DOCK10: variants seen among roughly 807,000 people sequenced by gnomAD.
DOCK10 encodes the protein dedicator of cytokinesis protein 10.
Under a neutral mutation model 280.1 loss-of-function variants are expected in DOCK10, and 145 were observed. The observed-to-expected ratio is 0.52, with a 90% CI of 0.45 to 0.59. The LOEUF (loss-of-function observed/expected upper bound fraction) is 0.59. DOCK10 is among the 20% of genes least tolerant of loss of function. DOCK10 has a pLI of 0.00. For synonymous variants in DOCK10, 915 were observed against 942.2 expected (o/e 0.97, Z 0.53); for missense variants, 2,368 against 2,651.7 (o/e 0.89, Z 2.35).
intron 1 of DOCK10, among the ~76,000 whole-genome samples, chr2:224,962,262 T>C (rs1704492965): frequency 6.6e-6 from 1 of 152,188 alleles, no homozygotes; most frequent in Non-Finnish European, 1.5e-5. Flanking sequence ...TGGACAAAAA[T>C]TGACACATAA....
chr2:224,843,587 C>T (rs140048721), intron 22 of DOCK10, among the ~76,000 whole-genome samples: 4 of 151,934 alleles, frequency 2.6e-5, no homozygotes, highest in Non-Finnish European at 4.4e-5. Flanking sequence ...AATGTATATA[C>T]GATGCCTGGA....
chr2:224,833,217 A>C (rs1326183500), intron 26 of DOCK10, among the ~76,000 whole-genome samples: 1 of 151,726 alleles, frequency 6.6e-6, no homozygotes, highest in African/African-American at 2.4e-5. Flanking sequence ...TCTGTGCAAA[A>C]CCCTCCAACG....
At chr2:224,950,347 T>C (rs922014391) in intron 1 of DOCK10, among the ~76,000 whole-genome samples, 3 of 152,262 alleles carry the variant, frequency 2.0e-5, no homozygotes, top group Non-Finnish European at 2.9e-5. Flanking sequence ...AAATTTTTTA[T>C]GGAACCTATT....
chr2:225,028,410 A>G (rs1233502021), intron 1 of DOCK10, among the ~76,000 whole-genome samples: 2 of 152,188 alleles, frequency 1.3e-5, no homozygotes, highest in Non-Finnish European at 2.9e-5. Flanking sequence ...GAATTCTGCC[A>G]ACAGCCCAAG....
At chr2:224,807,608 T>C (rs1693482403) in intron 33 of DOCK10, 60 bp downstream of exon 33, 2 of 1,211,116 alleles carry the variant, frequency 1.7e-6, no homozygotes, top group East Asian at 2.6e-5. Flanking sequence ...GGGCAAAAAA[T>C]AATTAAAAAA....
In DOCK10 at chr2:224,775,087, T is replaced by C. The variant is rs1345641747; in HGVS notation, c.5831A>G (p.Tyr1944Cys). 1.9e-6 allele frequency: 3 copies of C among 1,613,942 alleles called. No individual in the cohort carries two copies. Among genetic ancestry groups the C allele is most frequent in the Non-Finnish European group, 2.5e-6 (3 of 1,179,900 alleles). ...KVNPKDLDPK[Y>C]AYIQVTYVTP... The stretch of plus-strand genomic sequence containing the variant: ...CACATAGGTCACCTGGATGTAGGCA[T>C]ATTTGGGGTCCAAATCCTTGGGGTT... Residue 1944 changes from tyrosine (Y) to cysteine (C), a missense_variant, in exon 52 of 56, where the codon TAT becomes TGT. By Grantham distance (194) the Tyr-to-Cys change is radical. This residue lies in a region of DOCK10 where 1,159 missense variants were observed against 1,400.8 expected (regional missense o/e 0.83). Transcript: ENST00000258390.
chr2:224,844,652 G>A, intron 22 of DOCK10, 101 bp downstream of exon 22: 2 of 783,736 alleles, frequency 2.6e-6, no homozygotes, highest in South Asian at 3.3e-5. Flanking sequence ...CTGCCTTTCT[G>A]ACACTTCATG....
At chr2:224,838,375 A>G (rs1460904284) in intron 24 of DOCK10, among the ~76,000 whole-genome samples, 5 of 152,194 alleles carry the variant, frequency 3.3e-5, no homozygotes, top group Non-Finnish European at 5.9e-5. Flanking sequence ...AATGATGTAC[A>G]GGTGGATCTT....
intron 1 of DOCK10, among the ~76,000 whole-genome samples, chr2:224,990,312 T>G (rs1706090626): frequency 6.6e-6 from 1 of 152,240 alleles, no homozygotes; most frequent in Non-Finnish European, 1.5e-5. Context: ...AAGTGTAGTA[T>G]AGTGCGGCAC....
At chr2:224,883,058 A>G (rs1366257129) in intron 7 of DOCK10, among the ~76,000 whole-genome samples, 1 of 152,256 alleles carries the variant, frequency 6.6e-6, no homozygotes, top group Non-Finnish European at 1.5e-5. Context: ...ATGCAGGGAT[A>G]GAGGTGAACT....
At chr2:224,878,489 G>T (rs1366793996) in intron 7 of DOCK10, among the ~76,000 whole-genome samples, 1 of 152,214 alleles carries the variant, frequency 6.6e-6, no homozygotes, top group Admixed American at 6.5e-5. Context: ...CAGAGCCAGG[G>T]ACACAGAAGA....
chr2:225,021,150 G>T (rs1464189918), intron 1 of DOCK10, among the ~76,000 whole-genome samples: 1 of 152,160 alleles, frequency 6.6e-6, no homozygotes, highest in Non-Finnish European at 1.5e-5. Flanking sequence ...ACATTTCCAT[G>T]TGCATTATAT....
chr2:224,874,828 A>C, intron 8 of DOCK10, 77 bp from the exon 9 acceptor site: 1 of 1,340,394 alleles, frequency 7.5e-7, no homozygotes, highest in Non-Finnish European at 1.1e-6. Context: ...GACATGCAAA[A>C]CTAAGTTAGG....
At chr2:224,801,881 T>G in intron 40 of DOCK10, 35 bp downstream of exon 40, 1 of 1,607,460 alleles carries the variant, frequency 6.2e-7, no homozygotes, top group Non-Finnish European at 8.5e-7. Flanking sequence ...GAAAAACTGG[T>G]AACCATCTTG....
chr2:225,038,446 C>A (rs753200884), intron 1 of DOCK10, among the ~76,000 whole-genome samples: 5 of 152,120 alleles, frequency 3.3e-5, no homozygotes, highest in Non-Finnish European at 5.9e-5. Flanking sequence ...TTACTCAAAG[C>A]TCTCTAAAAT....
chr2:224,977,531 G>C (rs1705508156), intron 1 of DOCK10, among the ~76,000 whole-genome samples: 1 of 152,076 alleles, frequency 6.6e-6, no homozygotes, highest in African/African-American at 2.4e-5. Flanking sequence ...TACATAAATT[G>C]AATTAGTGTC....
chr2:224,983,094 G>A (rs1178121645), intron 1 of DOCK10, among the ~76,000 whole-genome samples: 1 of 152,122 alleles, frequency 6.6e-6, no homozygotes, highest in African/African-American at 2.4e-5. Flanking sequence ...CGGCTTGCAG[G>A]GCTGAAAATA....
Position 224,775,059 on chromosome 2 carries a change from C to T in DOCK10, c.5859G>A (p.Thr1953=), listed in dbSNP as rs888288804. The change falls in exon 52 of 56, where the codon ACG becomes ACA. Residue 1953 remains threonine (T), a synonymous_variant. Coordinates refer to ENST00000258390, the MANE Select transcript of DOCK10 (RefSeq NM_014689.3). ...KYAYIQVTYV[T]PFFEEKEIED... is the part of the protein sequence containing the mutation. ...CGATTTCCTTTTCCTCAAAGAACGG[C>T]GTCACATAGGTCACCTGGATGTAGG... The T allele has an allele frequency of 1.2e-5, 19 of 1,613,896 alleles. No homozygotes were observed. The East Asian group carries it at 1.3e-4, about 11-fold the overall frequency.
At chr2:224,927,379 T>G (rs986352492) in intron 2 of DOCK10, among the ~76,000 whole-genome samples, 2 of 152,194 alleles carry the variant, frequency 1.3e-5, no homozygotes, top group African/African-American at 4.8e-5. Flanking sequence ...ATCTAATTTG[T>G]GTTCCTAACA....
Sources: allele counts gnomAD v4.1 joint callset (sites outside exome capture counted in the v4.1 genomes callset), GRCh38; gene constraint gnomAD v4.1.1; regional missense constraint gnomAD v4.1.1; transcripts MANE v1.5; gene names NCBI Gene and HGNC (gene_info 2026-07-23, HGNC 2026-07-21).